The following CCDC14 variants were observed in gnomAD, a reference collection of about 807,000 sequenced individuals.
The protein encoded by CCDC14 is coiled-coil domain-containing protein 14.
In CCDC14, 71 loss-of-function variants were observed where a neutral mutation model predicts 81.4. That is an observed-to-expected ratio of 0.87 (90% confidence interval 0.72 to 1.06). The LOEUF (loss-of-function observed/expected upper bound fraction) is 1.06. Among genes scored for constraint, CCDC14 ranks in the 50% least tolerant of loss-of-function variants. The pLI, the probability that CCDC14 is intolerant of heterozygous loss-of-function variation, is 0.00. For missense variants in CCDC14, 1,046 were observed against 1,047.3 expected (o/e 1.00, Z 0.02); for synonymous variants, 332 against 364.8 (o/e 0.91, Z 1.03).
chr3:123,948,239 CTTTT>C (rs5852375), intron 7 of CCDC14, among the ~76,000 whole-genome samples: 2 of 138,444 alleles, frequency 1.4e-5, no homozygotes, highest in African/African-American at 2.7e-5. Flanking sequence ...TCTTTCTTTT[CTTTT>C]TTTTTTTTTT....
intron 2 of CCDC14, 47 bp downstream of exon 2, chr3:123,956,693 G>A (rs889801946): frequency 1.2e-5 from 17 of 1,470,620 alleles, no homozygotes; most frequent in Admixed American, 4.1e-5. Flanking sequence ...CCAAAGACCT[G>A]AAAAATTCCT....
chr3:123,954,450 A>C (rs1232339374), intron 5 of CCDC14: 2 of 152,232 alleles, frequency 1.3e-5, no homozygotes, highest in East Asian at 1.9e-4. Context: ...TAGTGTATTG[A>C]GCTTAGACCA....
chr3:123,929,305 A>AT, intron 12 of CCDC14, among the ~76,000 whole-genome samples: 1 of 151,934 alleles, frequency 6.6e-6, no homozygotes, highest in East Asian at 1.9e-4. Context: ...ATATTATTTT[A>AT]ATATATTTAT....
chr3:123,921,218 T>C (rs12634475), intron 12 of CCDC14, among the ~76,000 whole-genome samples: 16,785 of 152,158 alleles, frequency 0.11, 2,071 homozygotes, highest in East Asian at 0.42. Context: ...TGAATGTAAA[T>C]AGAGTAAATT....
intron 5 of CCDC14, chr3:123,954,406 T>C (rs545356248): frequency 6.6e-6 from 1 of 152,288 alleles, no homozygotes; most frequent in African/African-American, 2.4e-5. Context: ...ATTTACACAA[T>C]AAAATAACTA....
intron 12 of CCDC14, among the ~76,000 whole-genome samples, chr3:123,928,097 C>G (rs1003444475): frequency 6.6e-5 from 10 of 151,984 alleles, no homozygotes; most frequent in Non-Finnish European, 8.8e-5. Flanking sequence ...AAAAGTTATA[C>G]TGTTACTCTG....
At chr3:123,913,312 A>G (rs2034489714), downstream of CCDC14, 2 of 896,778 alleles carry the variant, frequency 2.2e-6, no homozygotes, top group African/African-American at 1.8e-5. Context: ...CTTTGCATAT[A>G]AGGATGGCTG....
chr3:123,913,855 A>G lies in CCDC14; in HGVS notation c.*924T>C, dbSNP rs2034515278. Reference sequence around the variant, plus strand: ...CTAAGAGTTAAAACGTGCTGCTTACATGAAGGGAGATGATACTGAGCTAAG... The same window carrying G: ...CTAAGAGTTAAAACGTGCTGCTTACGTGAAGGGAGATGATACTGAGCTAAG... On this transcript the variant is annotated 3_prime_UTR_variant, in exon 13 of 13. Coordinates refer to ENST00000409697, the MANE Select transcript of CCDC14 (RefSeq NM_001366335.1). 2 of 985,282 alleles carry G rather than the reference A, an allele frequency of 2.0e-6. No homozygotes were observed. Among genetic ancestry groups the G allele is most frequent in the Admixed American group, 6.2e-5 (1 of 16,246 alleles). 61.0% of individuals were successfully genotyped at this position (985,282 alleles called of 1,614,324 possible).
intron 12 of CCDC14, among the ~76,000 whole-genome samples, chr3:123,920,802 A>G (rs2035001861): frequency 6.6e-6 from 1 of 152,196 alleles, no homozygotes; most frequent in Admixed American, 6.5e-5. Flanking sequence ...CTAGTACCTT[A>G]ATGGTGGTAT....
downstream of CCDC14, among the ~76,000 whole-genome samples, chr3:123,910,257 T>C (rs1464984804): frequency 6.6e-6 from 1 of 152,230 alleles, no homozygotes; most frequent in Non-Finnish European, 1.5e-5. Context: ...TGCAGCGTGA[T>C]GGCTAAGATA....
In CCDC14 at chr3:123,915,447, C is replaced by T. The variant is rs145664821; in HGVS notation, c.2050G>A (p.Gly684Ser). Residue 684 changes from glycine (G) to serine (S), a missense_variant, in exon 13 of 13, where the codon GGC (glycine) becomes AGC (serine). Physicochemically the swap from Gly to Ser is moderately conservative, Grantham distance 56. Transcript: ENST00000409697. Reference sequence around the variant, plus strand: ...CCCCTAGTGTTACTATTTTGAGGGCCTCTGGAGGACAGAACATTTTCATAG... The same window carrying T: ...CCCCTAGTGTTACTATTTTGAGGGCTTCTGGAGGACAGAACATTTTCATAG... Reference protein sequence around the residue: ...KTYENVLSSRGPQNSNTRGME... With the variant: ...KTYENVLSSRSPQNSNTRGME... 0.013 allele frequency: 20,840 copies of T among 1,613,924 alleles called. 160 individuals are homozygous for T. Among genetic ancestry groups the T allele is most frequent in the Non-Finnish European group, 0.015 (17,549 of 1,179,862 alleles).
intron 5 of CCDC14, among the ~76,000 whole-genome samples, chr3:123,905,844 C>A (rs1329534204): frequency 1.3e-5 from 2 of 151,916 alleles, no homozygotes. Flanking sequence ...AAACAATGGA[C>A]CAGAGAGGCC....
chr3:123,893,412 T>C (rs1447603374), downstream of CCDC14, among the ~76,000 whole-genome samples: 3 of 152,184 alleles, frequency 2.0e-5, no homozygotes, highest in Non-Finnish European at 2.9e-5. Context: ...CAAAACTTCA[T>C]TTTTTTATAG....
chr3:123,895,068 T>G (rs1337640756), downstream of CCDC14, among the ~76,000 whole-genome samples: 1 of 152,218 alleles, frequency 6.6e-6, no homozygotes, highest in East Asian at 1.9e-4. Context: ...ATTGTCTGTT[T>G]CCTTAGGCCT....
In CCDC14 at chr3:123,926,557, T is replaced by TAAATATTATTTAAATTAATATTTA. The variant is rs1230136523; in HGVS notation, c.1778+4521_1778+4544dup. 9.1e-3 allele frequency among the ~76,000 whole-genome samples: 1,337 copies of TAAATATTATTTAAATTAATATTTA among 147,518 alleles called. 21 individuals carry two copies. The highest frequency in any genetic ancestry group is 0.051 in the South Asian group (239 of 4,658). ...TATTTAATTTATATATTTTTAAATATAAATATTATTTAAATTAATATTTAA... is the reference window on the plus strand; with the variant it reads ...TATTTAATTTATATATTTTTAAATATAAATATTATTTAAATTAATATTTAAAATATTATTTAAATTAATATTTAA... On this transcript the variant is annotated intron_variant, in intron 12 of 12. Transcript: ENST00000409697.
intron 3 of CCDC14, 27 bp from the exon 4 acceptor site, chr3:123,956,142 A>G (rs1386783827): frequency 6.6e-7 from 1 of 1,507,558 alleles, no homozygotes; most frequent in Non-Finnish European, 8.9e-7. Flanking sequence ...CATTTAGAAT[A>G]CATTTGTATA....
intron 7 of CCDC14, among the ~76,000 whole-genome samples, chr3:123,947,884 A>G (rs2036748217): frequency 6.6e-6 from 1 of 152,098 alleles, no homozygotes; most frequent in African/African-American, 2.4e-5. Flanking sequence ...ACCATATAGT[A>G]GTTACACAGA....
intron 12 of CCDC14, among the ~76,000 whole-genome samples, chr3:123,925,114 T>C (rs2035287323): frequency 6.7e-6 from 1 of 149,166 alleles, no homozygotes; most frequent in Non-Finnish European, 1.5e-5. Context: ...ATAAACATAT[T>C]GGAATACTAC....
downstream of CCDC14, among the ~76,000 whole-genome samples, chr3:123,893,468 T>C (rs956610178): frequency 1.3e-5 from 2 of 152,248 alleles, no homozygotes; most frequent in African/African-American, 4.8e-5. Context: ...TCCATTCTTC[T>C]GTTAATGGAC....
Sources: gnomAD v4.1 joint callset for allele counts (sites outside exome capture counted in the v4.1 genomes callset) on GRCh38, gnomAD v4.1.1 for gene constraint, MANE v1.5 for transcripts, NCBI Gene and HGNC (gene_info 2026-07-23, HGNC 2026-07-21) for gene names.